GIMAP5: variants seen among roughly 807,000 people sequenced by gnomAD.
GIMAP5 encodes GTPase, IMAP family member 5.
Under a neutral mutation model 9.9 loss-of-function variants are expected in GIMAP5, and 8 were observed. The ratio of observed to expected loss-of-function variants is 0.81; its 90% CI spans 0.47 to 1.45. GIMAP5 has a LOEUF of 1.45. Ranked by LOEUF, GIMAP5 falls within the 40% of genes most tolerant of loss-of-function variation. GIMAP5 has a pLI of 0.00. For synonymous variants in GIMAP5, 174 were observed against 151.4 expected (o/e 1.15, Z -1.09); for missense variants, 353 against 367.4 (o/e 0.96, Z 0.32).
rs1797612579 is a variant in GIMAP5 at position 150,742,451 on chromosome 7, C to A, written c.312C>A (p.Tyr104Ter). ...TGTACAAGAACATCGGGGACTGCTA[C>A]CTGCTCTCTGCCCCGGGGCCCCACG... is the stretch of plus-strand genomic sequence containing the variant. ...QELYKNIGDCYLLSAPGPHVL... is the reference protein window; with the variant it reads ...QELYKNIGDC Residue 104 changes from tyrosine (Y) to a stop codon, truncating the protein, a stop_gained, in exon 3 of 3, where the codon TAC (tyrosine) becomes TAA (stop). Coordinates refer to ENST00000358647, the MANE Select transcript of GIMAP5 (RefSeq NM_018384.5). LOFTEE classifies it high-confidence loss of function. 2.5e-6 allele frequency: 4 copies of A among 1,614,230 alleles called. No homozygotes were observed. The highest frequency in any genetic ancestry group is 3.4e-6 in the Non-Finnish European group (4 of 1,180,048).
Position 150,743,197 on chromosome 7 carries a change from C to A in GIMAP5, c.*134C>A. 8.5e-7 allele frequency: 1 copy of A among 1,176,798 alleles called. No homozygotes were observed. The highest frequency in any genetic ancestry group is 1.2e-6 in the Non-Finnish European group (1 of 851,360). The allele number at this position is 1,176,798 out of a possible 1,614,324, so 72.9% of individuals were successfully genotyped here. ...GTCTGTGCAGCTCCCATTTCCCCTT[C>A]TTCCTGATAGACTTGGAGCTGTGTG... is the stretch of plus-strand genomic sequence containing the variant. On this transcript the variant is annotated 3_prime_UTR_variant, in exon 3 of 3. Transcript: ENST00000358647.
chr7:150,739,868 G>A (rs1365609726), intron 1 of GIMAP5: 1 of 152,076 alleles, frequency 6.6e-6, no homozygotes, highest in African/African-American at 2.4e-5. Context: ...GAAAAATGTG[G>A]AAAAGATAGA....
rs746455496 is a variant in GIMAP5, at chr7:150,742,440, G to C, written c.301G>C (p.Gly101Arg). Residue 101 changes from glycine (G) to arginine (R), a missense_variant, in exon 3 of 3, where the codon GGG becomes CGG. Coordinates refer to ENST00000358647, the MANE Select transcript of GIMAP5 (RefSeq NM_018384.5). ...ADTQELYKNI[G>R]DCYLLSAPGP... ...TACCCAAGAGCTGTACAAGAACATC[G>C]GGGACTGCTACCTGCTCTCTGCCCC... The C allele has an allele frequency of 6.2e-7, 1 of 1,614,148 alleles. No homozygotes were observed. Among genetic ancestry groups the C allele is most frequent in the Non-Finnish European group, 8.5e-7 (1 of 1,180,012 alleles).
At chr7:150,741,036 A>C in intron 2 of GIMAP5, 109 bp downstream of exon 2, 1 of 1,194,374 alleles carries the variant, frequency 8.4e-7, no homozygotes, top group South Asian at 1.3e-5. Flanking sequence ...TTCATTTTAA[A>C]TGAAGAAGAT....
In GIMAP5 at chr7:150,742,672, G is replaced by A. The variant is rs147182394; in HGVS notation, c.533G>A (p.Arg178Gln). The A allele has an allele frequency of 2.6e-4, 424 of 1,614,204 alleles. No individual in the cohort carries two copies. Among genetic ancestry groups the A allele is most frequent in the Non-Finnish European group, 3.5e-4 (413 of 1,180,034 alleles). Reference protein sequence around the residue: ...TDNCSLKDLVRECERRYCAFN... With the variant: ...TDNCSLKDLVQECERRYCAFN... ...AACTGCAGCCTGAAAGACCTGGTGC[G>A]GGAGTGTGAGAGAAGGTACTGTGCC... Residue 178 changes from arginine to glutamine, a missense_variant, in exon 3 of 3, where the codon CGG becomes CAG. By Grantham distance (43) the Arg-to-Gln change is conservative (BLOSUM62 1). Transcript: ENST00000358647.
Position 150,737,533 on chromosome 7 carries a change from C to T in GIMAP5, c.-182C>T, listed in dbSNP as rs1279852926. 1.3e-6 allele frequency: 2 copies of T among 1,535,666 alleles called. No individual in the cohort carries two copies. Among genetic ancestry groups the T allele is most frequent in the Non-Finnish European group, 1.7e-6 (2 of 1,146,894 alleles). ...AGTCATGGAGCTTTCAGCCCCAGCA[C>T]ATGGCTCCTCCTTAACTGCGTCTGC... On this transcript the variant is annotated 5_prime_UTR_variant, in exon 1 of 3. Transcript: ENST00000358647.
In GIMAP5 at chr7:150,742,320, T is replaced by A. The variant is rs1158463818; in HGVS notation, c.181T>A (p.Ser61Thr). The change falls in exon 3 of 3, where the codon TCA (serine) becomes ACA (threonine). Residue 61 changes from serine (S) to threonine (T), a missense_variant. Physicochemically the swap from Ser to Thr is moderately conservative, Grantham distance 58 (BLOSUM62 1). Transcript: ENST00000358647. ...GTTTGAGTCCAAGCTGAGGGCCCAG[T>A]CAGTGACCAGGACGTGCCAGGTGAA... ...PVFESKLRAQ[S>T]VTRTCQVKTG... The A allele has an allele frequency of 6.2e-7, 1 of 1,614,094 alleles. No homozygotes were observed. Among genetic ancestry groups the A allele is most frequent in the Non-Finnish European group, 8.5e-7 (1 of 1,180,010 alleles).
In GIMAP5 at chr7:150,743,079, A is replaced by G; in HGVS notation, c.*16A>G. On this transcript the variant is annotated 3_prime_UTR_variant, in exon 3 of 3. Transcript: ENST00000358647. ...TTACATTTAAATCTCTGGACCCTGG[A>G]GCACTTCTAATGTATCACCCCATGG... 1 of 1,594,610 alleles carries G rather than the reference A, an allele frequency of 6.3e-7. No homozygotes were observed. The highest frequency in any genetic ancestry group is 8.5e-7 in the Non-Finnish European group (1 of 1,169,678).
At chr7:150,738,450 G>A (rs1768544906) in intron 1 of GIMAP5, 1 of 152,226 alleles carries the variant, frequency 6.6e-6, no homozygotes. Flanking sequence ...AGGAAGACAA[G>A]AAGTGGTTTG....
chr7:150,742,226 G>A lies in GIMAP5; in HGVS notation c.87G>A (p.Arg29=), dbSNP rs369518198. The A allele has an allele frequency of 8.1e-6, 13 of 1,614,080 alleles. No individual in the cohort carries two copies. In the African/African-American group the frequency reaches 1.5e-4, roughly 18 times the overall value. ...TGTCTGCAACACCACCGGCATTGAG[G>A]ATTATCCTAGTGGGCAAAACAGGCT... is the stretch of plus-strand genomic sequence containing the variant. ...DNLSATPPAL[R]IILVGKTGCG... Residue 29 remains arginine, a synonymous_variant, in exon 3 of 3, where the codon AGG becomes AGA. Coordinates refer to ENST00000358647, the MANE Select transcript of GIMAP5 (RefSeq NM_018384.5).
chr7:150,743,176 G>A lies in GIMAP5; in HGVS notation c.*113G>A. On this transcript the variant is annotated 3_prime_UTR_variant, in exon 3 of 3. Coordinates refer to ENST00000358647, the MANE Select transcript of GIMAP5 (RefSeq NM_018384.5). ...CTATGGAGCATGCTGCTTGCTGTCT[G>A]TGCAGCTCCCATTTCCCCTTCTTCC... 7.5e-7 allele frequency: 1 copy of A among 1,336,370 alleles called. No individual in the cohort carries two copies. Among genetic ancestry groups the A allele is most frequent in the Non-Finnish European group, 1.0e-6 (1 of 987,616 alleles). 82.8% of individuals were successfully genotyped at this position (1,336,370 alleles called of 1,614,324 possible).
At chr7:150,741,030 T>C in intron 2 of GIMAP5, 103 bp downstream of exon 2, 1 of 1,263,968 alleles carries the variant, frequency 7.9e-7, no homozygotes, top group Non-Finnish European at 1.1e-6. Flanking sequence ...AACCCATTCA[T>C]TTTAAATGAA....
At chr7:150,738,678 C>T (rs1301523599) in intron 1 of GIMAP5, 1 of 152,236 alleles carries the variant, frequency 6.6e-6, no homozygotes, top group African/African-American at 2.4e-5. Flanking sequence ...GAACTTTGGT[C>T]TCTTTTGTGG....
chr7:150,743,299 T>C lies in GIMAP5; in HGVS notation c.*236T>C. On this transcript the variant is annotated 3_prime_UTR_variant, in exon 3 of 3. Coordinates refer to ENST00000358647, the MANE Select transcript of GIMAP5 (RefSeq NM_018384.5). ...CCAACAACTGCTTCAGGAATGGGCC[T>C]GAGATCCCATGCAGGTCCCTGAGAA... The C allele has an allele frequency of 2.0e-6, 1 of 507,226 alleles. No homozygotes were observed. The highest frequency in any genetic ancestry group is 2.5e-5 in the South Asian group (1 of 40,572). The allele number at this position is 507,226 out of a possible 1,614,324, so 31.4% of individuals were successfully genotyped here.
rs543877528 is a variant in GIMAP5, at chr7:150,742,562, G to A, written c.423G>A (p.Gly141=). ...AGGTGAAAGAGGTCTTTGGGACAGG[G>A]GCCATGAGACATGTGGTCATCCTCT... ...IRKVKEVFGT[G]AMRHVVILFT... is the part of the protein sequence containing the mutation. The change falls in exon 3 of 3, where the codon GGG becomes GGA. Residue 141 remains glycine, a synonymous_variant. Transcript: ENST00000358647. The A allele has an allele frequency of 2.5e-6, 4 of 1,614,162 alleles. No homozygotes were observed. Among genetic ancestry groups the A allele is most frequent in the African/African-American group, 1.3e-5 (1 of 75,042 alleles).
chr7:150,741,690 G>A (rs1251631182), intron 2 of GIMAP5, among the ~76,000 whole-genome samples: 1 of 152,210 alleles, frequency 6.6e-6, no homozygotes, highest in Non-Finnish European at 1.5e-5. Flanking sequence ...CCGGCAGTGG[G>A]TCACTATAGA....
In GIMAP5 at chr7:150,738,080, T is replaced by C. The variant is rs1431462504; in HGVS notation, c.-7+372T>C. ...CCAGAGGGTGATAGGCTTTCCCCCATCTCCCCTAGCATGCCGGGGCATTCT... is the reference window on the plus strand; with the variant it reads ...CCAGAGGGTGATAGGCTTTCCCCCACCTCCCCTAGCATGCCGGGGCATTCT... On this transcript the variant is annotated intron_variant, in intron 1 of 2. Coordinates refer to ENST00000358647, the MANE Select transcript of GIMAP5 (RefSeq NM_018384.5). The C allele has an allele frequency of 1.7e-5, 4 of 236,472 alleles. No individual in the cohort carries two copies. In the East Asian group the frequency reaches 3.3e-4, roughly 20 times the overall value. The allele number at this position is 236,472 out of a possible 1,614,324, so 14.6% of individuals were successfully genotyped here.
Position 150,742,225 on chromosome 7 carries a change from G to C in GIMAP5, c.86G>C (p.Arg29Thr). ...DNLSATPPALRIILVGKTGCG... is the reference protein window; with the variant it reads ...DNLSATPPALTIILVGKTGCG... ...TTGTCTGCAACACCACCGGCATTGA[G>C]GATTATCCTAGTGGGCAAAACAGGC... Residue 29 changes from arginine to threonine, a missense_variant, in exon 3 of 3, where the codon AGG (arginine) becomes ACG (threonine). Transcript: ENST00000358647. 1 of 1,614,118 alleles carries C rather than the reference G, an allele frequency of 6.2e-7. No individual in the cohort carries two copies. The highest frequency in any genetic ancestry group is 8.5e-7 in the Non-Finnish European group (1 of 1,179,998).
intron 1 of GIMAP5, chr7:150,740,176 CA>C (rs1335359434): frequency 6.6e-6 from 1 of 152,240 alleles, no homozygotes; most frequent in African/African-American, 2.4e-5. Context: ...TACTGTTGCA[CA>C]ATGCTGGAAA....
Sources: gnomAD v4.1 joint callset for allele counts (sites outside exome capture counted in the v4.1 genomes callset) on GRCh38, gnomAD v4.1.1 for gene constraint, MANE v1.5 for transcripts, NCBI Gene and HGNC (gene_info 2026-07-23, HGNC 2026-07-21) for gene names.